ADAMTS6: variants seen among roughly 807,000 people sequenced by gnomAD.
ADAMTS6 encodes the protein A disintegrin and metalloproteinase with thrombospondin motifs 6.
ADAMTS6 carries 23 observed loss-of-function variants against 144.3 expected under a neutral mutation model. The ratio of observed to expected loss-of-function variants is 0.16; its 90% CI spans 0.11 to 0.23. The LOEUF is 0.23. Ranked by LOEUF, ADAMTS6 falls within the 10% of genes least tolerant of loss-of-function variation. ADAMTS6 has a pLI of 1.00. For synonymous variants in ADAMTS6, 444 were observed against 457.5 expected (o/e 0.97, Z 0.38); for missense variants, 999 against 1,379.6 (o/e 0.72, Z 4.37).
intron 7 of ADAMTS6, among the ~76,000 whole-genome samples, chr5:65,374,475 A>G (rs1482106528): frequency 5.3e-5 from 8 of 150,220 alleles, no homozygotes; most frequent in African/African-American, 1.7e-4. Flanking sequence ...ACAGACAAAC[A>G]GAGAGCCAAA....
chr5:65,316,425 C>A (rs1316833747), intron 9 of ADAMTS6, among the ~76,000 whole-genome samples: 1 of 151,740 alleles, frequency 6.6e-6, no homozygotes, highest in Non-Finnish European at 1.5e-5. Context: ...GAAAATGGAA[C>A]CAAAACAAAT....
intron 7 of ADAMTS6, among the ~76,000 whole-genome samples, chr5:65,425,787 G>A (rs1300087905): frequency 3.3e-5 from 5 of 149,456 alleles, no homozygotes; most frequent in East Asian, 3.9e-4. Context: ...TTTTTGAGAC[G>A]GAGTCTCACT....
At chr5:65,164,184 C>T (rs1398648589) in intron 24 of ADAMTS6, among the ~76,000 whole-genome samples, 16 of 151,746 alleles carry the variant, frequency 1.1e-4, no homozygotes, top group South Asian at 4.2e-4. Context: ...GCACCGTGCG[C>T]GAGCCGAAGC....
chr5:65,231,588 GC>G (rs1758253068), intron 15 of ADAMTS6, among the ~76,000 whole-genome samples: 1 of 151,990 alleles, frequency 6.6e-6, no homozygotes, highest in African/African-American at 2.4e-5. Context: ...GTCTTTTCAA[GC>G]CCACACAGAA....
chr5:65,216,858 C>CAA (rs1044084566), intron 18 of ADAMTS6, among the ~76,000 whole-genome samples: 1 of 151,456 alleles, frequency 6.6e-6, no homozygotes, highest in Non-Finnish European at 1.5e-5. Flanking sequence ...TACTACCGTA[C>CAA]AAAAACTCCT....
chr5:65,466,765 G>A (rs544943493), intron 3 of ADAMTS6, among the ~76,000 whole-genome samples: 50 of 152,284 alleles, frequency 3.3e-4, no homozygotes, highest in African/African-American at 1.2e-3. Flanking sequence ...AGAATAGGCC[G>A]GGCGCGGTGG....
chr5:65,327,897 T>C (rs1280713508), intron 9 of ADAMTS6, among the ~76,000 whole-genome samples: 2 of 152,188 alleles, frequency 1.3e-5, no homozygotes, highest in African/African-American at 2.4e-5. Context: ...TTTCCTAACC[T>C]TCCAATTTAA....
At chr5:65,199,950 G>A (rs1413624837) in intron 20 of ADAMTS6, among the ~76,000 whole-genome samples, 1 of 152,074 alleles carries the variant, frequency 6.6e-6, no homozygotes, top group Admixed American at 6.6e-5. Flanking sequence ...TATTTTTTAT[G>A]AAGTAAAAAT....
At position 65,148,848 on chromosome 5, in the gene ADAMTS6, A is replaced by G. The variant is rs1283250573; in HGVS notation, c.*2988T>C. 1 of 152,598 alleles carries G rather than the reference A, an allele frequency of 6.6e-6. No individual in the cohort carries two copies. Among genetic ancestry groups the G allele is most frequent in the Non-Finnish European group, 1.5e-5 (1 of 68,032 alleles). The allele number at this position is 152,598 out of a possible 1,614,324, so 9.5% of individuals were successfully genotyped here. A position where few individuals can be genotyped will look rare whatever the true frequency, so the allele number is the denominator to read the frequency against. ...GTGTTACAATGATTTTTTCATTTTC[A>G]TTACAAGCAGGAGAATGAATGTAGG... On this transcript the variant is annotated 3_prime_UTR_variant, in exon 25 of 25. Transcript: ENST00000381055.
intron 7 of ADAMTS6, among the ~76,000 whole-genome samples, chr5:65,409,571 A>G (rs141381566): frequency 3.3e-5 from 5 of 152,310 alleles, no homozygotes; most frequent in African/African-American, 1.2e-4. Flanking sequence ...CCAGAGGTAC[A>G]AGGAGGAGTT....
intron 22 of ADAMTS6, among the ~76,000 whole-genome samples, chr5:65,187,283 C>T (rs1414172235): frequency 2.0e-5 from 3 of 152,180 alleles, no homozygotes; most frequent in African/African-American, 7.2e-5. Flanking sequence ...TTAACTACCT[C>T]TTACCTAATT....
intron 2 of ADAMTS6, among the ~76,000 whole-genome samples, chr5:65,472,732 T>C (rs1358953751): frequency 6.6e-6 from 1 of 152,194 alleles, no homozygotes; most frequent in Non-Finnish European, 1.5e-5. Flanking sequence ...TAACCAAATG[T>C]AAATAAATTC....
At chr5:65,242,317 C>A in intron 14 of ADAMTS6, 111 bp from the exon 15 acceptor site, 1 of 635,782 alleles carries the variant, frequency 1.6e-6, no homozygotes, top group Non-Finnish European at 2.5e-6. Flanking sequence ...TATTCTGTGG[C>A]TATAATTCTG....
In ADAMTS6 at chr5:65,177,364, C is replaced by A. The variant is rs1754043840; in HGVS notation, c.2911-4356G>T. ...ATAACCAAGTCAATTTCGCCTCAAA[C>A]TATTGCATTTAATGCTTGCCTTGTT... is the stretch of plus-strand genomic sequence containing the variant. On this transcript the variant is annotated intron_variant, in intron 22 of 24. Transcript: ENST00000381055. Among the ~76,000 whole-genome samples, 3 of 152,324 alleles carry A rather than the reference C, an allele frequency of 2.0e-5. No homozygotes were observed. In the South Asian group the frequency reaches 6.2e-4, roughly 32 times the overall value.
intron 10 of ADAMTS6, among the ~76,000 whole-genome samples, chr5:65,297,536 A>G (rs1473411719): frequency 6.6e-6 from 1 of 152,192 alleles, no homozygotes; most frequent in African/African-American, 2.4e-5. Flanking sequence ...AGAAGCTAAA[A>G]TAAAATGTTA....
chr5:65,411,796 A>G (rs1293662380), intron 7 of ADAMTS6, among the ~76,000 whole-genome samples: 1 of 152,204 alleles, frequency 6.6e-6, no homozygotes, highest in Non-Finnish European at 1.5e-5. Context: ...TCTTTGAAAA[A>G]TTATGCCTTT....
At chr5:65,250,027 T>C (rs926081818) in intron 14 of ADAMTS6, among the ~76,000 whole-genome samples, 1 of 152,194 alleles carries the variant, frequency 6.6e-6, no homozygotes, top group African/African-American at 2.4e-5. Context: ...GAGCACTAGA[T>C]AGAAATTCCA....
intron 9 of ADAMTS6, among the ~76,000 whole-genome samples, chr5:65,300,542 C>T (rs879907680): frequency 3.3e-5 from 5 of 152,200 alleles, no homozygotes; most frequent in African/African-American, 4.8e-5. Context: ...TCCTACCTCA[C>T]TATGCTGAAT....
In ADAMTS6 at chr5:65,405,163, G is replaced by C. The variant is rs539092211; in HGVS notation, c.1073+46312C>G. Among the ~76,000 whole-genome samples, 6 of 152,274 alleles carry C rather than the reference G, an allele frequency of 3.9e-5. No individual in the cohort carries two copies. In the South Asian group the frequency reaches 1.2e-3, roughly 32 times the overall value. On this transcript the variant is annotated intron_variant, in intron 7 of 24. Transcript: ENST00000381055. ...TCTTTAGTTTAATTAGATCCCAATT[G>C]TCAATTTTGGCTTTTGTTGCCATTG... is the stretch of plus-strand genomic sequence containing the variant.
Sources: gnomAD v4.1 joint callset for allele counts (sites outside exome capture counted in the v4.1 genomes callset) on GRCh38, gnomAD v4.1.1 for gene constraint, MANE v1.5 for transcripts, NCBI Gene and HGNC (gene_info 2026-07-23, HGNC 2026-07-21) for gene names.